HLTF: variants seen among roughly 807,000 people sequenced by gnomAD.
HLTF encodes the protein DNA-dependent ATPase/E3 ubiquitin-protein ligase HLTF.
In HLTF, 127 loss-of-function variants were observed where a neutral mutation model predicts 129.4. The ratio of observed to expected loss-of-function variants is 0.98; its 90% CI spans 0.85 to 1.14. The LOEUF (loss-of-function observed/expected upper bound fraction) is 1.14. HLTF is among the 50% of genes most tolerant of loss of function. The pLI is 0.00. For synonymous variants in HLTF, 332 were observed against 388.8 expected, an observed-to-expected ratio of 0.85 and a Z score of 1.72; for missense variants, 1,139 against 1,187.1, an observed-to-expected ratio of 0.96 and a Z score of 0.60.
rs752863490 is a variant in HLTF at position 149,060,870 on chromosome 3, T to C, written c.1161-12A>G. On this transcript the variant is annotated splice_polypyrimidine_tract_variant and intron_variant, in intron 10 of 24. Coordinates refer to ENST00000310053, the MANE Select transcript of HLTF (RefSeq NM_003071.4). Reference sequence around the variant, plus strand: ...CAGCAGTTTTTCTTCTAAAATTAAGTATACACAAAGAAATTTTTGGACCAA... The same window carrying C: ...CAGCAGTTTTTCTTCTAAAATTAAGCATACACAAAGAAATTTTTGGACCAA... 1.3e-6 allele frequency: 2 copies of C among 1,585,168 alleles called. No homozygotes were observed. Among genetic ancestry groups the C allele is most frequent in the South Asian group, 2.3e-5 (2 of 88,080 alleles).
At chr3:149,077,275 TAAA>T (rs1559882704) in intron 2 of HLTF, among the ~76,000 whole-genome samples, 35 of 150,230 alleles carry the variant, frequency 2.3e-4, no homozygotes, top group African/African-American at 7.8e-4. Context: ...AATAAATAAA[TAAA>T]TAAATAAATA....
Position 149,039,048 on chromosome 3 carries a change from C to A in HLTF, c.2796+1G>T. 6.5e-7 allele frequency: 1 copy of A among 1,531,006 alleles called. No homozygotes were observed. Among genetic ancestry groups the A allele is most frequent in the South Asian group, 1.3e-5 (1 of 77,896 alleles). The allele number at this position is 1,531,006 out of a possible 1,614,324, so 94.8% of individuals were successfully genotyped here. A position where few individuals can be genotyped will look rare whatever the true frequency, so the allele number is the denominator to read the frequency against. ...CTGAAAAAATTTACAGAACTACTTA[C>A]TGGATCCATTAAAAACACTCGAGAA... On this transcript the variant is annotated splice_donor_variant, in intron 23 of 24. Transcript: ENST00000310053. LOFTEE classifies it high-confidence loss of function.
intron 8 of HLTF, among the ~76,000 whole-genome samples, chr3:149,067,357 G>T (rs2108034308): frequency 6.6e-6 from 1 of 151,954 alleles, no homozygotes; most frequent in South Asian, 2.1e-4. Context: ...ACAAAGATTT[G>T]TACCTGTCAT....
At chr3:149,085,181 G>A (rs1720248387) in intron 1 of HLTF, among the ~76,000 whole-genome samples, 1 of 152,164 alleles carries the variant, frequency 6.6e-6, no homozygotes, top group Non-Finnish European at 1.5e-5. Flanking sequence ...AAATTGATAT[G>A]TATATGATGT....
At chr3:149,051,632 G>A (rs1049611102) in intron 14 of HLTF, among the ~76,000 whole-genome samples, 2 of 152,174 alleles carry the variant, frequency 1.3e-5, no homozygotes, top group African/African-American at 4.8e-5. Flanking sequence ...AGGCCAAGGC[G>A]GGTGGATCAC....
chr3:149,046,345 G>A, intron 17 of HLTF, 86 bp from the exon 18 acceptor site: 2 of 757,884 alleles, frequency 2.6e-6, no homozygotes, highest in Admixed American at 7.4e-5. Flanking sequence ...ATTTTAATTT[G>A]TTACTGTTTT....
At chr3:149,083,110 G>A (rs1428613287) in intron 2 of HLTF, among the ~76,000 whole-genome samples, 2 of 152,106 alleles carry the variant, frequency 1.3e-5, no homozygotes, top group African/African-American at 4.8e-5. Flanking sequence ...AATTAGCTGG[G>A]CATGATGGCG....
intron 3 of HLTF, among the ~76,000 whole-genome samples, chr3:149,075,335 G>A (rs918350274): frequency 2.6e-5 from 4 of 152,162 alleles, no homozygotes; most frequent in African/African-American, 9.7e-5. Context: ...GATCACCTGA[G>A]GTCAGGAGTT....
Position 149,059,792 on chromosome 3 carries a change from A to T in HLTF, c.1301T>A (p.Val434Asp). 1.9e-6 allele frequency: 3 copies of T among 1,590,816 alleles called. No homozygotes were observed. The highest frequency in any genetic ancestry group is 2.6e-6 in the Non-Finnish European group (3 of 1,169,036). Residue 434 changes from valine (V) to aspartate (D), a missense_variant, in exon 13 of 25, where the codon GTT becomes GAT. Val to Asp is a radical substitution (Grantham distance 152). Transcript: ENST00000310053. ...KGRAKAGSSK[V>D]IEDVAFACAL... ...ACATGCAAATGCCACATCTTCTATA[A>T]CCTTAGAAGATCCTGCTGATAAAAC...
In HLTF at chr3:149,084,801, A is replaced by C; in HGVS notation, c.109T>G (p.Phe37Val). Residue 37 changes from phenylalanine to valine, a missense_variant, in exon 2 of 25, where the codon TTT (phenylalanine) becomes GTT (valine). Transcript: ENST00000310053. ...RLSYPTFFPR[F>V]EFQDVIPPDD... ...GGAGGGATAACATCTTGGAATTCAA[A>C]ACGTGGAAAGAAAGTTGGATATGAG... is the stretch of plus-strand genomic sequence containing the variant. The C allele has an allele frequency of 6.2e-7, 1 of 1,614,102 alleles. No individual in the cohort carries two copies. The highest frequency in any genetic ancestry group is 2.2e-5 in the East Asian group (1 of 44,866).
Position 149,084,742 on chromosome 3 carries a change from A to G in HLTF, c.168T>C (p.Asp56=). 6.2e-7 allele frequency: 1 copy of G among 1,614,126 alleles called. No individual in the cohort carries two copies. Among genetic ancestry groups the G allele is most frequent in the East Asian group, 2.2e-5 (1 of 44,864 alleles). The change falls in exon 2 of 25, where the codon GAT becomes GAC. Residue 56 remains aspartate (D), a synonymous_variant. Coordinates refer to ENST00000310053, the MANE Select transcript of HLTF (RefSeq NM_003071.4). ...DDFLTSDEEV[D]SVLFGSLRGH... is the part of the protein sequence containing the mutation. Reference sequence around the variant, plus strand: ...CTCTCAAACTTCCAAATAAAACGGAATCTACTTCTTCATCACTAGTTAGAA... The same window carrying G: ...CTCTCAAACTTCCAAATAAAACGGAGTCTACTTCTTCATCACTAGTTAGAA...
chr3:149,071,834 C>A (rs1314523971), intron 5 of HLTF, among the ~76,000 whole-genome samples, 177 bp from the exon 6 acceptor site: 1 of 152,104 alleles, frequency 6.6e-6, no homozygotes, highest in African/African-American at 2.4e-5. Context: ...ATCACTTGAG[C>A]TCAGGAGTTT....
chr3:149,067,008 A>T (rs1164563920), intron 8 of HLTF, among the ~76,000 whole-genome samples: 1 of 152,178 alleles, frequency 6.6e-6, no homozygotes, highest in Non-Finnish European at 1.5e-5. Context: ...AGAGTTCAGA[A>T]AAGAAGTATA....
intron 14 of HLTF, among the ~76,000 whole-genome samples, chr3:149,054,187 C>T (rs1339581556): frequency 3.3e-5 from 5 of 151,820 alleles, no homozygotes; most frequent in Admixed American, 6.6e-5. Context: ...ATGGTACAAG[C>T]CAGATTACAA....
intron 23 of HLTF, among the ~76,000 whole-genome samples, chr3:149,037,873 T>C (rs551011402): frequency 1.3e-5 from 2 of 152,260 alleles, no homozygotes; most frequent in Non-Finnish European, 2.9e-5. Flanking sequence ...TTTGTACACG[T>C]AGAAAAACAC....
At position 149,048,122 on chromosome 3, in the gene HLTF, GA is replaced by G; in HGVS notation, c.1797del (p.Leu600PhefsTer4). 1 of 1,612,450 alleles carries G rather than the reference GA, an allele frequency of 6.2e-7. No individual in the cohort carries two copies. The highest frequency in any genetic ancestry group is 1.7e-4 in the Middle Eastern group (1 of 6,014). On this transcript the variant is annotated frameshift_variant, in exon 17 of 25. Transcript: ENST00000310053. LOFTEE classifies it high-confidence loss of function. ...IQNSLKDLWS[L>X]LSFLKLKPFI... ...AATGGTTTAAGTTTTAAAAAGGAAAGAAGAGACCACAAGTCCTTTAAAGAAT... is the reference window on the plus strand; with the variant it reads ...AATGGTTTAAGTTTTAAAAAGGAAAGAGAGACCACAAGTCCTTTAAAGAAT...
At chr3:149,049,743 A>G (rs1373764528) in intron 15 of HLTF, among the ~76,000 whole-genome samples, 2 of 152,254 alleles carry the variant, frequency 1.3e-5, no homozygotes, top group South Asian at 2.1e-4. Context: ...CTGTAATCCC[A>G]GCACTTTGGG....
chr3:149,033,035 CAA>C (rs1715267180), intron 24 of HLTF, among the ~76,000 whole-genome samples: 1 of 148,098 alleles, frequency 6.8e-6, no homozygotes, highest in South Asian at 2.2e-4. Flanking sequence ...ACAACACTAA[CAA>C]AGAGAAAAAT....
intron 23 of HLTF, among the ~76,000 whole-genome samples, chr3:149,037,643 C>T (rs1362529149): frequency 6.6e-6 from 1 of 152,100 alleles, no homozygotes; most frequent in Non-Finnish European, 1.5e-5. Flanking sequence ...AAGGTAGCCT[C>T]ACCCAAGTAA....
Sources: allele counts gnomAD v4.1 joint callset (sites outside exome capture counted in the v4.1 genomes callset), GRCh38; gene constraint gnomAD v4.1.1; transcripts MANE v1.5; gene names NCBI Gene and HGNC (gene_info 2026-07-23, HGNC 2026-07-21).